CDH12: variants seen among roughly 807,000 people sequenced by gnomAD.
CDH12 encodes cadherin-12.
Under a neutral mutation model 74.1 loss-of-function variants are expected in CDH12, and 41 were observed. The ratio of observed to expected loss-of-function variants is 0.55; its 90% CI spans 0.43 to 0.72. The LOEUF (loss-of-function observed/expected upper bound fraction) is 0.72. Among genes scored for constraint, CDH12 ranks in the 30% least tolerant of loss-of-function variants. The probability of loss-of-function intolerance (pLI) is 0.00; values close to 1 mark genes in which losing one functional copy is unlikely to be tolerated. For missense variants in CDH12, 945 were observed against 977.2 expected (o/e 0.97, Z 0.44); for synonymous variants, 399 against 355.0 (o/e 1.12, Z -1.39).
At chr5:21,987,952 C>T (rs917656859) in intron 5 of CDH12, among the ~76,000 whole-genome samples, 15 of 151,644 alleles carry the variant, frequency 9.9e-5, no homozygotes, top group African/African-American at 3.2e-4. Context: ...AAGCCCTTTG[C>T]GACAAACTTA....
At chr5:22,781,969 G>T (rs771116608) in intron 1 of CDH12, among the ~76,000 whole-genome samples, 12 of 152,140 alleles carry the variant, frequency 7.9e-5, no homozygotes, top group Non-Finnish European at 1.5e-4. Flanking sequence ...CTTACATGGG[G>T]ACTGTGGCCC....
intron 5 of CDH12, among the ~76,000 whole-genome samples, chr5:22,075,128 C>A (rs1405163520): frequency 6.6e-6 from 1 of 151,722 alleles, no homozygotes. Flanking sequence ...TTCTATGCAG[C>A]CATAAAAAAG....
intron 2 of CDH12, among the ~76,000 whole-genome samples, chr5:22,445,963 C>T (rs1744800127): frequency 6.6e-6 from 1 of 152,148 alleles, no homozygotes; most frequent in African/African-American, 2.4e-5. Context: ...CTTCTAGCAT[C>T]TTTCCACTGA....
chr5:21,805,651 C>A (rs538296004), intron 9 of CDH12, among the ~76,000 whole-genome samples: 24 of 152,222 alleles, frequency 1.6e-4, no homozygotes, highest in Non-Finnish European at 3.4e-4. Context: ...CAAAGAGAAC[C>A]AGCAGTGATC....
chr5:21,829,906 A>G (rs1748906020), intron 8 of CDH12, among the ~76,000 whole-genome samples: 1 of 151,994 alleles, frequency 6.6e-6, no homozygotes, highest in African/African-American at 2.4e-5. Context: ...TCTGTTAGAA[A>G]TGTTTCTTTG....
At chr5:22,640,711 T>C (rs1739102498) in intron 1 of CDH12, among the ~76,000 whole-genome samples, 1 of 152,158 alleles carries the variant, frequency 6.6e-6, no homozygotes, top group Non-Finnish European at 1.5e-5. Context: ...AACTTTTCCT[T>C]TACCTTACAA....
intron 1 of CDH12, among the ~76,000 whole-genome samples, chr5:22,757,491 T>C (rs578132183): frequency 2.5e-4 from 38 of 152,304 alleles, no homozygotes; most frequent in Admixed American, 3.3e-4. Flanking sequence ...AAATGGTATA[T>C]GGGATTATCA....
chr5:22,230,180 A>G (rs950058834), intron 3 of CDH12, among the ~76,000 whole-genome samples: 7 of 152,226 alleles, frequency 4.6e-5, no homozygotes, highest in African/African-American at 1.7e-4. Flanking sequence ...TCCCCAACAT[A>G]TTCACCAAAA....
At chr5:22,691,815 C>T (rs147937930) in intron 1 of CDH12, among the ~76,000 whole-genome samples, 1 of 152,092 alleles carries the variant, frequency 6.6e-6, no homozygotes, top group African/African-American at 2.4e-5. Context: ...TTCTTACACA[C>T]TGTAAATGTT....
intron 1 of CDH12, among the ~76,000 whole-genome samples, chr5:22,775,747 A>G (rs1443005110): frequency 2.0e-5 from 3 of 151,724 alleles, no homozygotes; most frequent in Admixed American, 2.0e-4. Flanking sequence ...TATTTATTAT[A>G]TGGTCTCATT....
intron 9 of CDH12, among the ~76,000 whole-genome samples, chr5:21,811,369 T>G (rs990926272): frequency 6.6e-6 from 1 of 152,060 alleles, no homozygotes; most frequent in Admixed American, 6.6e-5. Context: ...ATTATTTAAA[T>G]TTTGCAATCA....
At chr5:22,397,809 T>C (rs1005401451) in intron 3 of CDH12, among the ~76,000 whole-genome samples, 8 of 152,228 alleles carry the variant, frequency 5.3e-5, no homozygotes, top group Admixed American at 3.9e-4. Flanking sequence ...GAGGTTATTA[T>C]GGTTGGCCCT....
chr5:22,482,746 T>C (rs1249793300), intron 2 of CDH12, among the ~76,000 whole-genome samples: 1 of 152,318 alleles, frequency 6.6e-6, no homozygotes, highest in East Asian at 1.9e-4. Flanking sequence ...CACTATCGTA[T>C]GTTAAGCCTA....
intron 11 of CDH12, 117 bp from the exon 12 acceptor site, chr5:21,765,216 C>T (rs1002711067): frequency 1.4e-5 from 11 of 805,746 alleles, no homozygotes; most frequent in East Asian, 3.2e-5. Context: ...AAAAAAAATC[C>T]TTCTTATAGG....
intron 6 of CDH12, among the ~76,000 whole-genome samples, chr5:21,943,049 T>A (rs1755409527): frequency 6.6e-6 from 1 of 152,136 alleles, no homozygotes; most frequent in African/African-American, 2.4e-5. Flanking sequence ...CTGATGGTTT[T>A]ACAAGTGTTT....
At chr5:22,207,966 T>A (rs1433707883) in intron 4 of CDH12, among the ~76,000 whole-genome samples, 1 of 152,184 alleles carries the variant, frequency 6.6e-6, no homozygotes, top group Non-Finnish European at 1.5e-5. Flanking sequence ...ATATATCAAT[T>A]CCCTCCTTTA....
At chr5:22,166,179 C>T (rs1748672615) in intron 4 of CDH12, among the ~76,000 whole-genome samples, 1 of 152,018 alleles carries the variant, frequency 6.6e-6, no homozygotes, top group South Asian at 2.1e-4. Context: ...TAAAAAAATA[C>T]ATAATGGCTA....
intron 5 of CDH12, among the ~76,000 whole-genome samples, chr5:22,076,124 G>T (rs1459710246): frequency 6.6e-6 from 1 of 151,982 alleles, no homozygotes; most frequent in Non-Finnish European, 1.5e-5. Flanking sequence ...AACCATGAGT[G>T]TTCATTATCC....
chr5:21,772,520 G>A (rs1398582657), intron 11 of CDH12, among the ~76,000 whole-genome samples: 4 of 152,010 alleles, frequency 2.6e-5, no homozygotes, highest in East Asian at 1.9e-4. Context: ...TTGATCCACC[G>A]ACCTTGGCCT....
Sources: allele counts gnomAD v4.1 joint callset (sites outside exome capture counted in the v4.1 genomes callset), GRCh38; gene constraint gnomAD v4.1.1; transcripts MANE v1.5; gene names NCBI Gene and HGNC (gene_info 2026-07-23, HGNC 2026-07-21).